The following NUP133 variants were observed in gnomAD, a reference collection of about 807,000 sequenced individuals.
NUP133 encodes nuclear pore complex protein Nup133.
In NUP133, 66 loss-of-function variants were observed where a neutral mutation model predicts 146.2. That is an observed-to-expected ratio of 0.45 (90% confidence interval 0.37 to 0.55). NUP133 has a LOEUF of 0.55. Ranked by LOEUF, NUP133 falls within the 20% of genes least tolerant of loss-of-function variation. The probability of loss-of-function intolerance (pLI) is 0.00; values close to 1 mark genes in which losing one functional copy is unlikely to be tolerated. For synonymous variants in NUP133, 521 were observed against 498.8 expected (o/e 1.04, Z -0.59); for missense variants, 1,277 against 1,374.8 (o/e 0.93, Z 1.12).
chr1:229,500,612 T>C lies in NUP133; in HGVS notation c.513+144A>G, dbSNP rs1018958229. 7.4e-6 allele frequency: 4 copies of C among 538,076 alleles called. No individual in the cohort carries two copies. In the South Asian group the frequency reaches 8.1e-5, roughly 11 times the overall value. 33.3% of individuals were successfully genotyped at this position (538,076 alleles called of 1,614,324 possible). On this transcript the variant is annotated intron_variant, in intron 4 of 25. Coordinates refer to ENST00000261396, the MANE Select transcript of NUP133 (RefSeq NM_018230.3). The stretch of plus-strand genomic sequence containing the variant: ...CTCTATTCTGTTACACTGACCTATG[T>C]GTGTAGCTCTCTTTGCCAATACCAC...
chr1:229,493,334 G>A (rs879730739), intron 8 of NUP133, among the ~76,000 whole-genome samples: 7 of 152,038 alleles, frequency 4.6e-5, no homozygotes, highest in Non-Finnish European at 8.8e-5. Context: ...ACACCATCAC[G>A]CCCAGCTAAT....
At chr1:229,475,457 C>G (rs1369624025) in intron 14 of NUP133, among the ~76,000 whole-genome samples, 181 bp downstream of exon 14, 2 of 152,170 alleles carry the variant, frequency 1.3e-5, no homozygotes, top group East Asian at 3.9e-4. Context: ...GCTTCTTATA[C>G]CTGGATTAAC....
At chr1:229,452,205 A>G (rs1342581165) in intron 22 of NUP133, among the ~76,000 whole-genome samples, 1 of 152,226 alleles carries the variant, frequency 6.6e-6, no homozygotes, top group Admixed American at 6.5e-5. Flanking sequence ...GAGCTTGAAA[A>G]GTAATTTTGT....
chr1:229,507,362 GA>G (rs1294074758), intron 1 of NUP133, among the ~76,000 whole-genome samples: 1 of 152,078 alleles, frequency 6.6e-6, no homozygotes, highest in Non-Finnish European at 1.5e-5. Context: ...ATTTTTTATA[GA>G]TGAATTCAGA....
At chr1:229,448,920 T>C in intron 24 of NUP133, 1 of 556,506 alleles carries the variant, frequency 1.8e-6, no homozygotes, top group Non-Finnish European at 3.2e-6. Flanking sequence ...CCTCAACCTG[T>C]GGTTGTAGAT....
At chr1:229,495,301 G>C (rs1661629024) in intron 8 of NUP133, among the ~76,000 whole-genome samples, 194 bp downstream of exon 8, 1 of 152,214 alleles carries the variant, frequency 6.6e-6, no homozygotes, top group African/African-American at 2.4e-5. Context: ...TGAGGCAGAA[G>C]GATCACTTCA....
At chr1:229,483,324 C>A (rs992367702) in intron 12 of NUP133, among the ~76,000 whole-genome samples, 1 of 152,186 alleles carries the variant, frequency 6.6e-6, no homozygotes, top group African/African-American at 2.4e-5. Flanking sequence ...TGGTCTCGAA[C>A]TTCCGGGCTC....
At chr1:229,504,712 A>G (rs780641917) in intron 2 of NUP133, among the ~76,000 whole-genome samples, 4 of 152,234 alleles carry the variant, frequency 2.6e-5, no homozygotes, top group Non-Finnish European at 2.9e-5. Flanking sequence ...CTCTGTAAAC[A>G]GGACTGAATT....
intron 24 of NUP133, among the ~76,000 whole-genome samples, chr1:229,446,984 C>T (rs1660316410): frequency 6.6e-6 from 1 of 151,796 alleles, no homozygotes; most frequent in African/African-American, 2.4e-5. Context: ...ATTAGCCAGG[C>T]GTGGTGGTAC....
intron 5 of NUP133, 21 bp from the exon 6 acceptor site, chr1:229,498,327 G>T (rs368684244): frequency 1.3e-6 from 2 of 1,538,956 alleles, no homozygotes; most frequent in Non-Finnish European, 1.7e-6. Flanking sequence ...ACATTATGAG[G>T]TTAGTTCAGT....
intron 21 of NUP133, among the ~76,000 whole-genome samples, chr1:229,453,571 C>T (rs925441978): frequency 6.6e-6 from 1 of 152,222 alleles, no homozygotes; most frequent in African/African-American, 2.4e-5. Flanking sequence ...TGTAGACAAA[C>T]TTCTCAAACA....
intron 21 of NUP133, among the ~76,000 whole-genome samples, chr1:229,454,936 TTTA>T (rs1660528203): frequency 6.6e-6 from 1 of 152,194 alleles, no homozygotes; most frequent in Admixed American, 6.5e-5. Flanking sequence ...ATACCTATAA[TTTA>T]TTGAGTACTT....
chr1:229,487,662 A>AATTG, intron 9 of NUP133, 49 bp from the exon 10 acceptor site: 1 of 1,315,540 alleles, frequency 7.6e-7, no homozygotes, highest in Non-Finnish European at 1.1e-6. Context: ...AAACAAAAAT[A>AATTG]TTTGTATGAT....
chr1:229,473,501 C>T (rs1365094938), intron 14 of NUP133, among the ~76,000 whole-genome samples: 1 of 152,120 alleles, frequency 6.6e-6, no homozygotes, highest in Admixed American at 6.6e-5. Flanking sequence ...AGTGCTCATG[C>T]TCTCATGGCT....
rs1660173434 is a variant in NUP133, at chr1:229,441,117, A to G, written c.*787T>C. The stretch of plus-strand genomic sequence containing the variant: ...ATCAATTGCCATATTAGGAAAACCT[A>G]TAATGGTTTCTAGTATCATTCATGC... On this transcript the variant is annotated 3_prime_UTR_variant, in exon 26 of 26. Transcript: ENST00000261396. The G allele has an allele frequency of 3.5e-6, 1 of 287,126 alleles. No individual in the cohort carries two copies. The highest frequency in any genetic ancestry group is 6.9e-6 in the Non-Finnish European group (1 of 144,812). 17.8% of individuals were successfully genotyped at this position (287,126 alleles called of 1,614,324 possible). A position where few individuals can be genotyped will look rare whatever the true frequency, so the allele number is the denominator to read the frequency against.
intron 14 of NUP133, among the ~76,000 whole-genome samples, chr1:229,474,469 A>G (rs1661029556): frequency 6.7e-6 from 1 of 148,222 alleles, no homozygotes. Flanking sequence ...AAGAAAATAA[A>G]AGAGTAGACA....
intron 8 of NUP133, 42 bp downstream of exon 8, chr1:229,495,453 C>G (rs375459847): frequency 2.1e-6 from 3 of 1,413,126 alleles, no homozygotes. Context: ...TTATTTTTTC[C>G]AAACTCTTCT....
At chr1:229,449,613 C>T (rs543676198) in intron 23 of NUP133, among the ~76,000 whole-genome samples, 4 of 151,602 alleles carry the variant, frequency 2.6e-5, no homozygotes, top group South Asian at 4.2e-4. Flanking sequence ...TCAGGCAATC[C>T]GCCCACCTTG....
Position 229,460,775 on chromosome 1 carries a change from AATAAC to A in NUP133, c.2686-11_2686-7del. 6.2e-7 allele frequency: 1 copy of A among 1,606,530 alleles called. No individual in the cohort carries two copies. On this transcript the variant is annotated splice_polypyrimidine_tract_variant and splice_region_variant and intron_variant, in intron 19 of 25. Coordinates refer to ENST00000261396, the MANE Select transcript of NUP133 (RefSeq NM_018230.3). ...AAGAGAAAGTCTGAAAAATTCTACA[AATAAC>A]AGAACATAGAATTCATTCATAATAG... is the stretch of plus-strand genomic sequence containing the variant.
Sources: allele counts gnomAD v4.1 joint callset (sites outside exome capture counted in the v4.1 genomes callset), GRCh38; gene constraint gnomAD v4.1.1; transcripts MANE v1.5; gene names NCBI Gene and HGNC (gene_info 2026-07-23, HGNC 2026-07-21).